Variants in GNPDA2 observed in about 807,000 individuals in gnomAD.
GNPDA2 encodes glucosamine-6-phosphate deaminase 2.
GNPDA2 carries 24 observed loss-of-function variants against 27.0 expected under a neutral mutation model. The ratio of observed to expected loss-of-function variants is 0.89; its 90% confidence interval spans 0.64 to 1.25. GNPDA2 has a LOEUF of 1.25. Among genes scored for constraint, GNPDA2 ranks in the 50% most tolerant of loss-of-function variants. The pLI is 0.00. For missense variants in GNPDA2, 286 were observed against 335.1 expected, an observed-to-expected ratio of 0.85 and a Z score of 1.14; for synonymous variants, 94 against 108.4, an observed-to-expected ratio of 0.87 and a Z score of 0.83.
At chr4:44,703,580 C>T in intron 6 of GNPDA2, 1 of 984,380 alleles carries the variant, frequency 1.0e-6, no homozygotes. Flanking sequence ...ATCCATTCGT[C>T]TGGTAAATTA....
chr4:44,703,679 A>G, intron 6 of GNPDA2: 2 of 984,066 alleles, frequency 2.0e-6, no homozygotes, highest in Non-Finnish European at 2.4e-6. Context: ...GACAGAAAAC[A>G]ACCTGTATTA....
chr4:44,705,171 A>G, intron 6 of GNPDA2: 8 of 983,844 alleles, frequency 8.1e-6, no homozygotes, highest in Non-Finnish European at 9.7e-6. Context: ...ATGTGAATGG[A>G]ATTTGAAGAG....
chr4:44,717,614 T>TA (rs1468317311), intron 3 of GNPDA2, among the ~76,000 whole-genome samples: 4 of 151,792 alleles, frequency 2.6e-5, no homozygotes, highest in Admixed American at 2.6e-4. Context: ...CATGTGCACT[T>TA]AGTAACTATA....
intron 5 of GNPDA2, among the ~76,000 whole-genome samples, chr4:44,710,712 G>A (rs2109701817): frequency 6.6e-6 from 1 of 152,250 alleles, no homozygotes; most frequent in South Asian, 2.1e-4. Flanking sequence ...AGCAGGAATA[G>A]GCAAGTGAAA....
intron 6 of GNPDA2, chr4:44,703,618 ATG>A: frequency 1.0e-6 from 1 of 983,694 alleles, no homozygotes; most frequent in Non-Finnish European, 1.2e-6. Context: ...ATGTGTATTT[ATG>A]ACAAAGGTTG....
intron 1 of GNPDA2, among the ~76,000 whole-genome samples, chr4:44,723,479 A>C (rs928789369): frequency 6.6e-6 from 1 of 152,138 alleles, no homozygotes; most frequent in Non-Finnish European, 1.5e-5. Flanking sequence ...TCCCACTTGT[A>C]AGTGAGAACA....
chr4:44,702,831 T>C lies in GNPDA2; in HGVS notation c.*250A>G. On this transcript the variant is annotated 3_prime_UTR_variant, in exon 7 of 7. Coordinates refer to ENST00000295448, the MANE Select transcript of GNPDA2 (RefSeq NM_138335.3). ...ACAGGCAGACATTTCTATGCTGTTT[T>C]ATAGGTGGCTATGTGACTTCAGTAC... 3.8e-6 allele frequency: 5 copies of C among 1,321,868 alleles called. No individual in the cohort carries two copies. Among genetic ancestry groups the C allele is most frequent in the Non-Finnish European group, 4.8e-6 (5 of 1,040,850 alleles). 81.9% of individuals were successfully genotyped at this position (1,321,868 alleles called of 1,614,324 possible).
chr4:44,711,908 T>C lies in GNPDA2; in HGVS notation c.410-771A>G, dbSNP rs189699710. Among the ~76,000 whole-genome samples the C allele has an allele frequency of 7.2e-5, 11 of 151,864 alleles. No individual in the cohort carries two copies. In the East Asian group the frequency reaches 1.4e-3, roughly 19 times the overall value. ...TCATACTTACCCTTACTAGGAACCA[T>C]ACAAGCTGTTTTCTATGACATTGCA... On this transcript the variant is annotated intron_variant, in intron 4 of 6. Coordinates refer to ENST00000295448, the MANE Select transcript of GNPDA2 (RefSeq NM_138335.3).
intron 4 of GNPDA2, among the ~76,000 whole-genome samples, 180 bp downstream of exon 4, chr4:44,716,933 G>A (rs1413161218): frequency 4.0e-5 from 6 of 151,842 alleles, no homozygotes; most frequent in Non-Finnish European, 7.4e-5. Context: ...AGATTAAGAC[G>A]GGAATTTTAA....
chr4:44,707,684 G>A, intron 6 of GNPDA2, 68 bp downstream of exon 6: 1 of 1,373,932 alleles, frequency 7.3e-7, no homozygotes, highest in Non-Finnish European at 1.0e-6. Context: ...TAACCCCACA[G>A]TCACAGTAAG....
At position 44,726,540 on chromosome 4, in the gene GNPDA2, G is replaced by T. The variant is rs749489868; in HGVS notation, c.-102C>A. 3.3e-5 allele frequency: 5 copies of T among 152,334 alleles called. No individual in the cohort carries two copies. The highest frequency in any genetic ancestry group is 9.6e-5 in the African/African-American group (4 of 41,462). The allele number at this position is 152,334 out of a possible 1,614,324, so 9.4% of individuals were successfully genotyped here. A position where few individuals can be genotyped will look rare whatever the true frequency, so the allele number is the denominator to read the frequency against. On this transcript the variant is annotated 5_prime_UTR_variant, in exon 1 of 7. Coordinates refer to ENST00000295448, the MANE Select transcript of GNPDA2 (RefSeq NM_138335.3). The stretch of plus-strand genomic sequence containing the variant: ...AAGCAACACCCAACCACCCGAGAGC[G>T]ACCCCAGCTGACCAGTGGAGCGCGA...
At position 44,702,036 on chromosome 4, in the gene GNPDA2, C is replaced by T. The variant is rs1335435684; in HGVS notation, c.*1045G>A. ...CACAGAGGCAAAGACATCTTTTAAC[C>T]TAACTCTCCTAATGCATGATGGTAA... On this transcript the variant is annotated 3_prime_UTR_variant, in exon 7 of 7. Transcript: ENST00000295448. 1.0e-6 allele frequency: 1 copy of T among 985,424 alleles called. No individual in the cohort carries two copies. The highest frequency in any genetic ancestry group is 1.2e-6 in the Non-Finnish European group (1 of 829,862). The allele number at this position is 985,424 out of a possible 1,614,324, so 61.0% of individuals were successfully genotyped here.
intron 4 of GNPDA2, among the ~76,000 whole-genome samples, chr4:44,716,396 T>A (rs1717285550): frequency 6.6e-6 from 1 of 151,932 alleles, no homozygotes; most frequent in Non-Finnish European, 1.5e-5. Flanking sequence ...TTGATTTTAG[T>A]TTAGTTGATG....
intron 4 of GNPDA2, among the ~76,000 whole-genome samples, chr4:44,711,538 A>C (rs1344926350): frequency 6.6e-6 from 1 of 152,162 alleles, no homozygotes; most frequent in Non-Finnish European, 1.5e-5. Flanking sequence ...AAGAAAAATA[A>C]GTGACTTGTT....
chr4:44,719,290 G>A (rs1717521758), intron 2 of GNPDA2, among the ~76,000 whole-genome samples: 1 of 151,716 alleles, frequency 6.6e-6, no homozygotes, highest in Admixed American at 6.6e-5. Flanking sequence ...TCACAAAACA[G>A]AACAGTGTAA....
chr4:44,717,801 TAC>T (rs1717403715), intron 3 of GNPDA2, among the ~76,000 whole-genome samples: 1 of 151,892 alleles, frequency 6.6e-6, no homozygotes, highest in African/African-American at 2.4e-5. Flanking sequence ...TACCATTAAA[TAC>T]ACATTTCTAT....
chr4:44,706,556 G>A (rs1484361604), intron 6 of GNPDA2: 1 of 151,808 alleles, frequency 6.6e-6, no homozygotes, highest in Non-Finnish European at 1.5e-5. Flanking sequence ...TGAAATATGA[G>A]TTGGTTTTCT....
At position 44,702,354 on chromosome 4, in the gene GNPDA2, T is replaced by G; in HGVS notation, c.*727A>C. 3.4e-6 allele frequency: 3 copies of G among 875,728 alleles called. No individual in the cohort carries two copies. The highest frequency in any genetic ancestry group is 4.1e-6 in the Non-Finnish European group (3 of 729,814). The allele number at this position is 875,728 out of a possible 1,614,324, so 54.2% of individuals were successfully genotyped here. The stretch of plus-strand genomic sequence containing the variant: ...TATTCTCCAAAAGAATTTCCTGAAG[T>G]GGCTTGCTAGGTATAAAGCTCATAA... On this transcript the variant is annotated 3_prime_UTR_variant, in exon 7 of 7. Transcript: ENST00000295448.
In GNPDA2 at chr4:44,707,790, G is replaced by A; in HGVS notation, c.731C>T (p.Thr244Ile). Residue 244 changes from threonine (T) to isoleucine (I), a missense_variant, in exon 6 of 7, where the codon ACT becomes ATT. Thr to Ile is a moderately conservative substitution (Grantham distance 89). Coordinates refer to ENST00000295448, the MANE Select transcript of GNPDA2 (RefSeq NM_138335.3). ...CACAGTTTTAACTCTTAATTCTAAA[G>A]TAGCATCTTCATCGCATACAAAAAT... is the stretch of plus-strand genomic sequence containing the variant. ...RTIFVCDEDATLELRVKTVKY... is the reference protein window; with the variant it reads ...RTIFVCDEDAILELRVKTVKY... 1 of 1,613,240 alleles carries A rather than the reference G, an allele frequency of 6.2e-7. No individual in the cohort carries two copies. The highest frequency in any genetic ancestry group is 8.5e-7 in the Non-Finnish European group (1 of 1,179,566).
Sources: allele counts gnomAD v4.1 joint callset (sites outside exome capture counted in the v4.1 genomes callset), GRCh38; gene constraint gnomAD v4.1.1; transcripts MANE v1.5; gene names NCBI Gene and HGNC (gene_info 2026-07-23, HGNC 2026-07-21).